The following PBK variants were observed in gnomAD, a reference collection of about 807,000 sequenced individuals.
PBK encodes the protein lymphokine-activated killer T-cell-originated protein kinase.
A neutral mutation model predicts 33.5 loss-of-function variants in PBK; 22 were observed. The observed-to-expected ratio is 0.66, with a 90% CI of 0.47 to 0.94. The LOEUF is 0.94. Among genes scored for constraint, PBK ranks in the 40% least tolerant of loss-of-function variants. PBK has a pLI of 0.00. For missense variants in PBK, 376 were observed against 383.4 expected (o/e 0.98, Z 0.16); for synonymous variants, 129 against 123.8 (o/e 1.04, Z -0.28).
intron 6 of PBK, among the ~76,000 whole-genome samples, chr8:27,816,343 C>CATATA (rs1554559819): frequency 2.2e-5 from 3 of 136,366 alleles, no homozygotes; most frequent in African/African-American, 8.8e-5. Flanking sequence ...TCATCGAATA[C>CATATA]TATATATATA....
At chr8:27,836,842 A>G (rs1730883977) in intron 1 of PBK, among the ~76,000 whole-genome samples, 1 of 152,098 alleles carries the variant, frequency 6.6e-6, no homozygotes, top group Non-Finnish European at 1.5e-5. Flanking sequence ...ACTCTAAGCT[A>G]TTTGCACCTC....
At chr8:27,818,924 T>C (rs1166513958) in intron 6 of PBK, among the ~76,000 whole-genome samples, 4 of 152,172 alleles carry the variant, frequency 2.6e-5, no homozygotes, top group African/African-American at 9.7e-5. Context: ...ACAGCTGTGT[T>C]TTTTTCTAAA....
intron 6 of PBK, among the ~76,000 whole-genome samples, chr8:27,815,716 A>G (rs1295100340): frequency 3.9e-5 from 6 of 152,206 alleles, no homozygotes; most frequent in Admixed American, 6.5e-5. Flanking sequence ...AACGGCTCCA[A>G]TTTGAGACTC....
Position 27,809,739 on chromosome 8 carries a change from C to CATT in PBK, c.*563_*565dup, listed in dbSNP as rs1194821576. 6.6e-5 allele frequency: 10 copies of CATT among 151,162 alleles called. No individual in the cohort carries two copies. The highest frequency in any genetic ancestry group is 2.4e-4 in the African/African-American group (10 of 40,832). 9.4% of individuals were successfully genotyped at this position (151,162 alleles called of 1,614,324 possible). A position where few individuals can be genotyped will look rare whatever the true frequency, so the allele number is the denominator to read the frequency against. On this transcript the variant is annotated 3_prime_UTR_variant, in exon 8 of 8. Transcript: ENST00000301905. Reference sequence around the variant, plus strand: ...AATTTTAAACTCAGTATGGAAAATACATTTAATAAATTAAAGCAAAAACCA... The same window carrying CATT: ...AATTTTAAACTCAGTATGGAAAATACATTATTTAATAAATTAAAGCAAAAACCA...
intron 3 of PBK, among the ~76,000 whole-genome samples, chr8:27,825,376 T>C (rs973553151): frequency 6.6e-6 from 1 of 152,166 alleles, no homozygotes; most frequent in Non-Finnish European, 1.5e-5. Context: ...AGTTTGAGGC[T>C]GCAGTGAGTT....
chr8:27,834,028 CTT>C (rs71762494), intron 1 of PBK, among the ~76,000 whole-genome samples: 2,465 of 138,892 alleles, frequency 0.018, 52 homozygotes, highest in African/African-American at 0.053. Flanking sequence ...TATGATGATC[CTT>C]TTTTTTTTTT....
chr8:27,823,692 C>T (rs1207346081), intron 3 of PBK, among the ~76,000 whole-genome samples: 1 of 152,042 alleles, frequency 6.6e-6, no homozygotes, highest in African/African-American at 2.4e-5. Flanking sequence ...ACCAATTCAC[C>T]TTATACCTTT....
chr8:27,828,682 A>C (rs1225860288), intron 2 of PBK, among the ~76,000 whole-genome samples: 1 of 133,688 alleles, frequency 7.5e-6, no homozygotes, highest in Non-Finnish European at 1.5e-5. Context: ...TGAGCCCAGG[A>C]GGTTAAGGGT....
intron 6 of PBK, among the ~76,000 whole-genome samples, chr8:27,814,485 TG>T (rs1805772850): frequency 1.3e-5 from 2 of 152,236 alleles, no homozygotes; most frequent in South Asian, 4.1e-4. Flanking sequence ...CTTTTGGCTT[TG>T]TTAATATTTT....
rs370636900 is a variant in PBK at position 27,810,295 on chromosome 8, G to C, written c.*10C>G. 2 of 1,585,766 alleles carry C rather than the reference G, an allele frequency of 1.3e-6. No individual in the cohort carries two copies. The highest frequency in any genetic ancestry group is 1.7e-6 in the Non-Finnish European group (2 of 1,155,468). On this transcript the variant is annotated 3_prime_UTR_variant, in exon 8 of 8. Coordinates refer to ENST00000301905, the MANE Select transcript of PBK (RefSeq NM_018492.4). ...TATTTACGCAAGCCACACTTCAGCT[G>C]AGATGATCACTAGACATCTGTTTCC... is the stretch of plus-strand genomic sequence containing the variant.
At position 27,811,083 on chromosome 8, in the gene PBK, T is replaced by G. The variant is rs1332030591; in HGVS notation, c.647A>C (p.Glu216Ala). Residue 216 changes from glutamate to alanine, a missense_variant, in exon 7 of 8, where the codon GAA becomes GCA. Glu to Ala is a moderately radical substitution (Grantham distance 107). Coordinates refer to ENST00000301905, the MANE Select transcript of PBK (RefSeq NM_018492.4). ...AATAACACCATTCTCCTCCACAGCT[T>G]CTTTGGGTTTCCATGGCTCTGTGCC... is the stretch of plus-strand genomic sequence containing the variant. The part of the protein sequence containing the change: ...YIGTEPWKPK[E>A]AVEENGVITD... 3 of 1,613,498 alleles carry G rather than the reference T, an allele frequency of 1.9e-6. No individual in the cohort carries two copies. The highest frequency in any genetic ancestry group is 2.5e-6 in the Non-Finnish European group (3 of 1,179,424).
intron 1 of PBK, among the ~76,000 whole-genome samples, chr8:27,837,326 G>A (rs1806245469): frequency 1.3e-5 from 2 of 152,112 alleles, no homozygotes; most frequent in South Asian, 4.1e-4. Context: ...GCTACGACGC[G>A]GACGGGCAGC....
In PBK at chr8:27,823,173, G is replaced by T; in HGVS notation, c.185C>A (p.Ala62Asp). Residue 62 changes from alanine to aspartate, a missense_variant, in exon 4 of 8, where the codon GCT becomes GAT. Physicochemically the swap from Ala to Asp is moderately radical, Grantham distance 126. Coordinates refer to ENST00000301905, the MANE Select transcript of PBK (RefSeq NM_018492.4). ...SPRGLSHSPW[A>D]VKKINPICND... is the part of the protein sequence containing the mutation. Reference sequence around the variant, plus strand: ...ACATATAGGATTAATCTTTTTTACAGCCCAAGGAGAATGAGACAAACCTCT... The same window carrying T: ...ACATATAGGATTAATCTTTTTTACATCCCAAGGAGAATGAGACAAACCTCT... The T allele has an allele frequency of 6.4e-7, 1 of 1,555,250 alleles. No homozygotes were observed. The highest frequency in any genetic ancestry group is 8.8e-7 in the Non-Finnish European group (1 of 1,132,220).
chr8:27,827,007 C>T (rs900996526), intron 3 of PBK, among the ~76,000 whole-genome samples: 19 of 151,432 alleles, frequency 1.3e-4, no homozygotes, highest in Non-Finnish European at 2.7e-4. Context: ...TACAAACATA[C>T]AAAAAAAATG....
At chr8:27,818,830 AAGAACTATTTATCTAC>A (rs1180350991) in intron 6 of PBK, among the ~76,000 whole-genome samples, 1 of 152,118 alleles carries the variant, frequency 6.6e-6, no homozygotes, top group Non-Finnish European at 1.5e-5. Flanking sequence ...GCCAACATTA[AAGAACTATTTATCTAC>A]AATTTTTTCT....
chr8:27,828,050 G>C (rs1412235328), intron 3 of PBK, 55 bp downstream of exon 3: 8 of 849,878 alleles, frequency 9.4e-6, no homozygotes, highest in Middle Eastern at 3.4e-4. Context: ...TTGTCTCCAA[G>C]TACAGTAGAA....
intron 6 of PBK, among the ~76,000 whole-genome samples, chr8:27,819,418 A>G (rs1257532613): frequency 3.9e-5 from 6 of 152,016 alleles, no homozygotes; most frequent in Non-Finnish European, 5.9e-5. Flanking sequence ...ATATTCTTAT[A>G]TTTTCTAAAT....
chr8:27,821,852 C>T (rs1001967280), intron 5 of PBK, among the ~76,000 whole-genome samples: 9 of 152,092 alleles, frequency 5.9e-5, no homozygotes, highest in East Asian at 3.8e-4. Flanking sequence ...ACAACATATA[C>T]GACGGTGGTC....
At chr8:27,826,698 A>C in intron 3 of PBK, among the ~76,000 whole-genome samples, 1 of 139,872 alleles carries the variant, frequency 7.1e-6, no homozygotes, top group Non-Finnish European at 1.5e-5. Flanking sequence ...CGGGAGGCTG[A>C]GGCAGGAGAA....
Sources: gnomAD v4.1 joint callset for allele counts (sites outside exome capture counted in the v4.1 genomes callset) on GRCh38, gnomAD v4.1.1 for gene constraint, MANE v1.5 for transcripts, NCBI Gene and HGNC (gene_info 2026-07-23, HGNC 2026-07-21) for gene names.